Variants in AR observed in about 807,000 individuals in gnomAD.
AR encodes the protein dihydrotestosterone receptor.
Under a neutral mutation model 53.9 loss-of-function variants are expected in AR, and 8 were observed. The ratio of observed to expected loss-of-function variants is 0.15; its 90% CI spans 0.09 to 0.27. The LOEUF is 0.27. Among genes scored for constraint, AR ranks in the 10% least tolerant of loss-of-function variants. The pLI, the probability that AR is intolerant of heterozygous loss-of-function variation, is 1.00. For missense variants in AR, 639 were observed against 742.5 expected (o/e 0.86, Z 1.62); for synonymous variants, 359 against 316.4 (o/e 1.13, Z -1.43).
intron 3 of AR, among the ~76,000 whole-genome samples, chrX:67,708,689 G>C (rs1046964557): frequency 5.3e-5 from 6 of 112,446 alleles, no homozygotes; most frequent in South Asian, 7.3e-4. Context: ...GTGAGGAGCT[G>C]TGTTCCTTTG....
intron 1 of AR, among the ~76,000 whole-genome samples, chrX:67,566,788 A>C (rs1921575584): frequency 9.0e-6 from 1 of 111,507 alleles, no homozygotes; most frequent in African/African-American, 3.3e-5. Context: ...TTCCAGTCAT[A>C]GGTTAACTCT....
chrX:67,618,851 AAGGTTAG>A (rs774023937), intron 1 of AR, among the ~76,000 whole-genome samples: 1 of 111,357 alleles, frequency 9.0e-6, no homozygotes, highest in Non-Finnish European at 1.9e-5. Context: ...ATGAAAAAGC[AAGGTTAG>A]ATTAGTGAAT....
At chrX:67,646,913 C>A (rs1926084962) in intron 2 of AR, among the ~76,000 whole-genome samples, 1 of 111,102 alleles carries the variant, frequency 9.0e-6, no homozygotes, top group Non-Finnish European at 1.9e-5. Flanking sequence ...AAGAAGCAAT[C>A]TTCAGATGGG....
chrX:67,595,360 T>C (rs2147369898), intron 1 of AR, among the ~76,000 whole-genome samples: 1 of 110,543 alleles, frequency 9.0e-6, no homozygotes, highest in Admixed American at 9.6e-5. Flanking sequence ...TGCTTTTTTT[T>C]CTTAAAAAAA....
chrX:67,565,429 G>C (rs1459535948), intron 1 of AR, among the ~76,000 whole-genome samples: 1 of 111,601 alleles, frequency 9.0e-6, no homozygotes, highest in African/African-American at 3.3e-5. Flanking sequence ...ATAGTTAGTT[G>C]GTAAGAGAAA....
intron 3 of AR, among the ~76,000 whole-genome samples, chrX:67,699,887 G>C (rs757306339): frequency 9.0e-6 from 1 of 111,246 alleles, no homozygotes; most frequent in Non-Finnish European, 1.9e-5. Context: ...AGTGAGACTG[G>C]AACAGTACCT....
chrX:67,653,690 G>A (rs958149616), intron 2 of AR, among the ~76,000 whole-genome samples: 13 of 111,076 alleles, frequency 1.2e-4, no homozygotes, highest in African/African-American at 4.3e-4. Flanking sequence ...GTCCATAGCT[G>A]CCCTAGGCTG....
In AR at chrX:67,729,694, G is replaced by A. The variant is rs1288466286; in HGVS notation, c.*5853G>A. On this transcript the variant is annotated 3_prime_UTR_variant, in exon 8 of 8. Coordinates refer to ENST00000374690, the MANE Select transcript of AR (RefSeq NM_000044.6). ...CCCACATAAGCTACTTAACAAGATT[G>A]TCATGGAGCTGCAGATTCCATTGCC... 5.8e-6 allele frequency: 1 copy of A among 172,365 alleles called. No homozygotes were observed. Among genetic ancestry groups the A allele is most frequent in the Non-Finnish European group, 1.1e-5 (1 of 90,759 alleles). The allele number at this position is 172,365 out of a possible 1,213,427, so 14.2% of individuals were successfully genotyped here. A position where few individuals can be genotyped will look rare whatever the true frequency, so the allele number is the denominator to read the frequency against.
chrX:67,562,928 A>C (rs1018578116), intron 1 of AR, among the ~76,000 whole-genome samples: 2 of 111,925 alleles, frequency 1.8e-5, no homozygotes, highest in Admixed American at 1.9e-4. Flanking sequence ...TAGGTGCTGA[A>C]ATATTAGTTC....
chrX:67,711,781 C>T lies in AR; in HGVS notation c.2173+92C>T. The stretch of plus-strand genomic sequence containing the variant: ...AGCCACCATGTCTGGTGCTTTTCTG[C>T]CCATTAACTCAGGCAGTCTTCATCA... On this transcript the variant is annotated intron_variant, in intron 4 of 7. Coordinates refer to ENST00000374690, the MANE Select transcript of AR (RefSeq NM_000044.6). 3 of 933,083 alleles carry T rather than the reference C, an allele frequency of 3.2e-6. No homozygotes were observed. The Admixed American group carries it at 1.0e-4, about 32-fold the overall frequency. 76.9% of individuals were successfully genotyped at this position (933,083 alleles called of 1,213,427 possible).
At chrX:67,663,614 C>G (rs1927080201) in intron 2 of AR, among the ~76,000 whole-genome samples, 1 of 111,435 alleles carries the variant, frequency 9.0e-6, no homozygotes, top group African/African-American at 3.3e-5. Flanking sequence ...TGGAGTTGCT[C>G]TTCTCAAGGA....
At chrX:67,642,509 A>C (rs779895375) in intron 1 of AR, among the ~76,000 whole-genome samples, 1 of 111,591 alleles carries the variant, frequency 9.0e-6, no homozygotes, top group Admixed American at 9.6e-5. Context: ...GGTAGCCTAA[A>C]AGATGTCCAG....
chrX:67,663,913 G>A (rs963498624), intron 2 of AR, among the ~76,000 whole-genome samples: 7 of 111,590 alleles, frequency 6.3e-5, no homozygotes, highest in Non-Finnish European at 1.3e-4. Flanking sequence ...TGATCTAATC[G>A]GCTACTGAGG....
At chrX:67,610,277 G>A (rs930201445) in intron 1 of AR, among the ~76,000 whole-genome samples, 2 of 111,476 alleles carry the variant, frequency 1.8e-5, no homozygotes, top group Admixed American at 9.6e-5. Flanking sequence ...ATTAATTAAT[G>A]TCATAAAGGT....
intron 2 of AR, among the ~76,000 whole-genome samples, chrX:67,662,212 G>A (rs189222708): frequency 1.8e-5 from 2 of 111,456 alleles, no homozygotes; most frequent in South Asian, 7.6e-4. Flanking sequence ...TCTGATCTTA[G>A]TTATTTCTTG....
intron 1 of AR, among the ~76,000 whole-genome samples, chrX:67,639,868 G>A (rs780275219): frequency 9.0e-6 from 1 of 111,540 alleles, no homozygotes; most frequent in East Asian, 2.8e-4. Flanking sequence ...GAATAGGGGT[G>A]GTGAGAGACG....
chrX:67,596,429 T>C (rs1923086344), intron 1 of AR, among the ~76,000 whole-genome samples: 2 of 111,719 alleles, frequency 1.8e-5, no homozygotes, highest in African/African-American at 6.5e-5. Context: ...ACTCTTAAAT[T>C]AAACTAATTA....
At chrX:67,596,351 C>T (rs752410095) in intron 1 of AR, among the ~76,000 whole-genome samples, 11 of 110,204 alleles carry the variant, frequency 1.0e-4, no homozygotes, top group Non-Finnish European at 1.7e-4. Flanking sequence ...GGTGACTCCA[C>T]TTCTTTTCTT....
Position 67,724,037 on chromosome X carries a change from C to A in AR, c.*196C>A. ...TTTCTCTCCTTTCTTTTTCTTCTTC[C>A]CTCCCTATCTAACCCTCCCATGGCA... On this transcript the variant is annotated 3_prime_UTR_variant, in exon 8 of 8. Coordinates refer to ENST00000374690, the MANE Select transcript of AR (RefSeq NM_000044.6). The A allele has an allele frequency of 2.3e-5, 12 of 516,566 alleles. No individual in the cohort carries two copies. The South Asian group carries it at 3.9e-4, about 17-fold the overall frequency. The allele number at this position is 516,566 out of a possible 1,213,427, so 42.6% of individuals were successfully genotyped here. A position where few individuals can be genotyped will look rare whatever the true frequency, so the allele number is the denominator to read the frequency against.
Sources: gnomAD v4.1 joint callset for allele counts (sites outside exome capture counted in the v4.1 genomes callset) on GRCh38, gnomAD v4.1.1 for gene constraint, MANE v1.5 for transcripts, NCBI Gene and HGNC (gene_info 2026-07-23, HGNC 2026-07-21) for gene names.